The following SDK2 variants were observed in gnomAD, a reference collection of about 807,000 sequenced individuals.
SDK2 encodes the protein sidekick cell adhesion molecule 2.
Under a neutral mutation model 253.9 loss-of-function variants are expected in SDK2, and 105 were observed. That is an observed-to-expected ratio of 0.41 (90% CI 0.35 to 0.49). The LOEUF (loss-of-function observed/expected upper bound fraction) is 0.49, where lower values mean the gene tolerates loss of function less well. Ranked by LOEUF, SDK2 falls within the 20% of genes least tolerant of loss-of-function variation. The probability of loss-of-function intolerance (pLI) is 0.06; values close to 1 mark genes in which losing one functional copy is unlikely to be tolerated. For missense variants in SDK2, 2,608 were observed against 3,003.0 expected (o/e 0.87, Z 3.07); for synonymous variants, 1,249 against 1,234.9 (o/e 1.01, Z -0.24).
At chr17:73,365,471 T>TGA in intron 37 of SDK2, 76 bp from the exon 38 acceptor site, 2 of 1,448,946 alleles carry the variant, frequency 1.4e-6, no homozygotes, top group Non-Finnish European at 9.2e-7. Flanking sequence ...TCCAAGGAGC[T>TGA]AGCGGGAGTA....
chr17:73,617,310 G>A (rs1224877398), intron 1 of SDK2, among the ~76,000 whole-genome samples: 2 of 150,346 alleles, frequency 1.3e-5, no homozygotes, highest in Non-Finnish European at 3.0e-5. Context: ...GCAGAGGGGA[G>A]GGGAGAGGCC....
intron 1 of SDK2, among the ~76,000 whole-genome samples, chr17:73,551,864 G>C (rs904194242): frequency 6.6e-6 from 1 of 152,160 alleles, no homozygotes; most frequent in African/African-American, 2.4e-5. Flanking sequence ...AGTCCATCTG[G>C]AGACCCAACT....
intron 1 of SDK2, among the ~76,000 whole-genome samples, chr17:73,547,010 G>C (rs1421086868): frequency 6.6e-6 from 1 of 152,222 alleles, no homozygotes; most frequent in African/African-American, 2.4e-5. Flanking sequence ...TCTGGAGCCA[G>C]GCACTGATCC....
chr17:73,463,083 G>C (rs190755408), intron 3 of SDK2, among the ~76,000 whole-genome samples: 1 of 152,082 alleles, frequency 6.6e-6, no homozygotes, highest in East Asian at 1.9e-4. Flanking sequence ...CGGTGATAAC[G>C]GAGACTGAGG....
At chr17:73,401,323 G>T in intron 20 of SDK2, 112 bp from the exon 21 acceptor site, 1 of 1,020,680 alleles carries the variant, frequency 9.8e-7, no homozygotes. Flanking sequence ...CACGCTGGGA[G>T]CAATGGGGCC....
Position 73,495,437 on chromosome 17 carries a change from C to G in SDK2, c.224+12001G>C, listed in dbSNP as rs79224695. Among the ~76,000 whole-genome samples the G allele has an allele frequency of 1.9e-4, 29 of 152,288 alleles. No individual in the cohort carries two copies. In the East Asian group the frequency reaches 5.6e-3, roughly 29 times the overall value. ...TACATCACGCATGACAGACTCCCAC[C>G]CTCCAACAAAGAACTTTCCATCCTC... is the stretch of plus-strand genomic sequence containing the variant. On this transcript the variant is annotated intron_variant, in intron 2 of 44. Transcript: ENST00000392650.
At chr17:73,370,065 C>T (rs1294351253) in intron 36 of SDK2, among the ~76,000 whole-genome samples, 1 of 152,144 alleles carries the variant, frequency 6.6e-6, no homozygotes, top group Admixed American at 6.6e-5. Context: ...CATTTGGCGC[C>T]CCCTGCTGGC....
Position 73,336,604 on chromosome 17 carries a change from C to T in SDK2, c.*1983G>A, listed in dbSNP as rs1353191515. On this transcript the variant is annotated 3_prime_UTR_variant, in exon 45 of 45. Transcript: ENST00000392650. ...CCGTTCTTTGGGCCCCAGACCCTGACTTCCCTTCCCGGTCACCATTAGCAC... is the reference window on the plus strand; with the variant it reads ...CCGTTCTTTGGGCCCCAGACCCTGATTTCCCTTCCCGGTCACCATTAGCAC... 1 of 152,712 alleles carries T rather than the reference C, an allele frequency of 6.5e-6. No homozygotes were observed. The highest frequency in any genetic ancestry group is 1.5e-5 in the Non-Finnish European group (1 of 68,086). The allele number at this position is 152,712 out of a possible 1,614,324, so 9.5% of individuals were successfully genotyped here.
chr17:73,417,184 A>G (rs2063189710), intron 16 of SDK2, among the ~76,000 whole-genome samples: 1 of 150,708 alleles, frequency 6.6e-6, no homozygotes, highest in Non-Finnish European at 1.5e-5. Flanking sequence ...CAGGTGGATC[A>G]CTTGAGGTCA....
rs1423019875 is a variant in SDK2, at chr17:73,435,729, G to A, written c.1001-85C>T. 9 of 1,261,512 alleles carry A rather than the reference G, an allele frequency of 7.1e-6. No individual in the cohort carries two copies. Among genetic ancestry groups the A allele is most frequent in the East Asian group, 2.6e-5 (1 of 38,634 alleles). The allele number at this position is 1,261,512 out of a possible 1,614,324, so 78.1% of individuals were successfully genotyped here. A position where few individuals can be genotyped will look rare whatever the true frequency, so the allele number is the denominator to read the frequency against. On this transcript the variant is annotated intron_variant, in intron 8 of 44. Transcript: ENST00000392650. The surrounding 1 kb of genome is among the most constrained non-coding windows in gnomAD (Gnocchi z 5.7). ...GGGTGCTTGGGAGGAGGCCGGGCCC[G>A]GAAATCTGCGAGGGGGTCCCTGGTG...
intron 4 of SDK2, among the ~76,000 whole-genome samples, chr17:73,453,968 AT>A (rs2063505881): frequency 6.6e-6 from 1 of 152,238 alleles, no homozygotes; most frequent in Non-Finnish European, 1.5e-5. Flanking sequence ...CATTAAAAAA[AT>A]CTTTTACACC....
At chr17:73,526,209 G>A (rs1469542972) in intron 1 of SDK2, among the ~76,000 whole-genome samples, 1 of 152,152 alleles carries the variant, frequency 6.6e-6, no homozygotes, top group Non-Finnish European at 1.5e-5. Flanking sequence ...TGGCTTCTGG[G>A]AACTTTAGCT....
chr17:73,343,329 T>C (rs2062455719), intron 44 of SDK2, among the ~76,000 whole-genome samples: 1 of 152,222 alleles, frequency 6.6e-6, no homozygotes, highest in Non-Finnish European at 1.5e-5. Flanking sequence ...CGCTCCGCCT[T>C]CCAAAGCCAA....
chr17:73,578,962 T>G (rs960374864), intron 1 of SDK2, among the ~76,000 whole-genome samples: 5 of 152,100 alleles, frequency 3.3e-5, no homozygotes, highest in African/African-American at 9.7e-5. Context: ...CATCACCATC[T>G]CAGGCTTCCT....
At chr17:73,599,497 T>C (rs898832966) in intron 1 of SDK2, among the ~76,000 whole-genome samples, 1 of 151,056 alleles carries the variant, frequency 6.6e-6, no homozygotes, top group Middle Eastern at 3.4e-3. Flanking sequence ...ATAGCGGCAC[T>C]GCACTCCAGC....
intron 5 of SDK2, among the ~76,000 whole-genome samples, chr17:73,445,698 TGGCAGGCAGGCA>T (rs35240393): frequency 1.3e-4 from 20 of 151,336 alleles, no homozygotes; most frequent in South Asian, 4.2e-4. Flanking sequence ...ACAAATTGGT[TGGCAGGCAGGCA>T]GGCAGGCAGG....
intron 14 of SDK2, 33 bp from the exon 15 acceptor site, chr17:73,422,467 A>G (rs2063240868): frequency 1.2e-6 from 2 of 1,604,970 alleles, no homozygotes; most frequent in African/African-American, 2.7e-5. Flanking sequence ...AGAAGTGGGT[A>G]TCTTGGGTGG....
chr17:73,566,356 T>TGTGTGTGTGTG (rs1555604326), intron 1 of SDK2, among the ~76,000 whole-genome samples: 11 of 151,528 alleles, frequency 7.3e-5, no homozygotes, highest in South Asian at 2.1e-4. Context: ...TGTGTGTGTG[T>TGTGTGTGTGTG]TACCCAGTCT....
chr17:73,433,893 G>A (rs1567770236), intron 9 of SDK2, 45 bp from the exon 10 acceptor site: 17 of 1,371,930 alleles, frequency 1.2e-5, no homozygotes, highest in East Asian at 2.7e-5. Context: ...CCTGGGAGAT[G>A]TCCCCCAAGC....
Sources: gnomAD v4.1 joint callset for allele counts (sites outside exome capture counted in the v4.1 genomes callset) on GRCh38, gnomAD v4.1.1 for gene constraint, Gnocchi (gnomAD v3.1) non-coding constraint, MANE v1.5 for transcripts, NCBI Gene and HGNC (gene_info 2026-07-23, HGNC 2026-07-21) for gene names.